The following TCERG1 variants were observed in gnomAD, a reference collection of about 807,000 sequenced individuals.
TCERG1 encodes the protein TATA box binding protein (TBP)-associated factor, RNA polymerase II, S, 150kD.
TCERG1 carries 37 observed loss-of-function variants against 144.7 expected under a neutral mutation model. The observed-to-expected ratio is 0.26, with a 90% CI of 0.20 to 0.34. The LOEUF (loss-of-function observed/expected upper bound fraction) is 0.34. Ranked by LOEUF, TCERG1 falls within the 10% of genes least tolerant of loss-of-function variation. The pLI is 1.00. For synonymous variants in TCERG1, 492 were observed against 458.2 expected, an observed-to-expected ratio of 1.07 and a Z score of -0.94; for missense variants, 1,027 against 1,380.7, an observed-to-expected ratio of 0.74 and a Z score of 4.06.
At chr5:146,458,024 A>G (rs2150247280) in intron 3 of TCERG1, among the ~76,000 whole-genome samples, 1 of 151,412 alleles carries the variant, frequency 6.6e-6, no homozygotes, top group East Asian at 2.0e-4. Flanking sequence ...TAATTTTTGT[A>G]TTTTTAATAG....
At chr5:146,460,027 G>T (rs1447612923) in intron 4 of TCERG1, among the ~76,000 whole-genome samples, 1 of 152,044 alleles carries the variant, frequency 6.6e-6, no homozygotes, top group African/African-American at 2.4e-5. Context: ...TTTGGTGTTG[G>T]TTTTTTGGGT....
At chr5:146,498,774 T>G in intron 17 of TCERG1, 88 bp downstream of exon 17, 17 of 1,389,182 alleles carry the variant, frequency 1.2e-5, no homozygotes, top group Non-Finnish European at 1.6e-5. Context: ...ACCTTATTCA[T>G]TGGCATAAAT....
intron 16 of TCERG1, among the ~76,000 whole-genome samples, chr5:146,495,892 C>T (rs543758902): frequency 2.6e-5 from 4 of 152,072 alleles, no homozygotes; most frequent in South Asian, 2.1e-4. Context: ...CAGTGGCTCG[C>T]GCCTGTAATC....
intron 17 of TCERG1, among the ~76,000 whole-genome samples, chr5:146,501,020 GA>G (rs1767386067): frequency 1.4e-5 from 2 of 139,972 alleles, no homozygotes; most frequent in African/African-American, 5.3e-5. Context: ...AAAAAAAAAA[GA>G]AAAAAAAGTC....
At chr5:146,497,105 C>T (rs1462021455) in intron 16 of TCERG1, among the ~76,000 whole-genome samples, 1 of 152,028 alleles carries the variant, frequency 6.6e-6, no homozygotes, top group Non-Finnish European at 1.5e-5. Context: ...CTCCTGACCT[C>T]AACTGATCCA....
intron 2 of TCERG1, 86 bp downstream of exon 2, chr5:146,455,367 A>G: frequency 6.9e-7 from 1 of 1,447,114 alleles, no homozygotes; most frequent in Non-Finnish European, 9.4e-7. Context: ...TACATTCTTA[A>G]ATAGTTTCAG....
At chr5:146,448,397 G>A (rs1227530897) in intron 1 of TCERG1, among the ~76,000 whole-genome samples, 1 of 152,168 alleles carries the variant, frequency 6.6e-6, no homozygotes, top group Non-Finnish European at 1.5e-5. Context: ...GAGTGACCTG[G>A]AGAAATCTTT....
chr5:146,463,215 T>C (rs1763489943), intron 4 of TCERG1, among the ~76,000 whole-genome samples: 1 of 152,222 alleles, frequency 6.6e-6, no homozygotes, highest in African/African-American at 2.4e-5. Flanking sequence ...GTTTATTTTT[T>C]TCTTCTACCC....
intron 4 of TCERG1, 49 bp from the exon 5 acceptor site, chr5:146,463,502 A>G (rs1295715212): frequency 6.2e-7 from 1 of 1,608,696 alleles, no homozygotes; most frequent in East Asian, 2.2e-5. Flanking sequence ...GAATATAGTA[A>G]AATGATTTAT....
chr5:146,450,085 A>C (rs1168122779), intron 1 of TCERG1, among the ~76,000 whole-genome samples: 1 of 152,248 alleles, frequency 6.6e-6, no homozygotes, highest in Admixed American at 6.5e-5. Context: ...CATTATTAAA[A>C]CAATAATGTG....
chr5:146,459,267 A>G lies in TCERG1; in HGVS notation c.822A>G (p.Thr274=). 1.9e-6 allele frequency: 3 copies of G among 1,614,240 alleles called. No homozygotes were observed. The South Asian group carries it at 3.3e-5, about 18-fold the overall frequency. Residue 274 remains threonine, a synonymous_variant, in exon 4 of 23, where the codon ACA becomes ACG. Coordinates refer to ENST00000679501, the MANE Select transcript of TCERG1 (RefSeq NM_001382548.1). ...CAGCACCTGCAGTATCCACTTCAAC[A>G]TCATCATCCACCCCTTCCTCTACCA... ...SSPAPAVSTS[T]SSSTPSSTTS... is the part of the protein sequence containing the mutation.
chr5:146,494,445 C>G (rs747297587), intron 16 of TCERG1, among the ~76,000 whole-genome samples: 69 of 152,252 alleles, frequency 4.5e-4, no homozygotes, highest in Admixed American at 1.5e-3. Flanking sequence ...ATGACTAAGT[C>G]TTACCATATC....
At chr5:146,480,324 T>C (rs1054977393) in intron 12 of TCERG1, 2 of 293,508 alleles carry the variant, frequency 6.8e-6, no homozygotes, top group Non-Finnish European at 1.3e-5. Context: ...CTCCAAATGA[T>C]AGTTTTGGAA....
At chr5:146,460,346 CT>C (rs1011514887) in intron 4 of TCERG1, among the ~76,000 whole-genome samples, 129 of 142,404 alleles carry the variant, frequency 9.1e-4, no homozygotes, top group Admixed American at 3.9e-3. Context: ...TTTCTTTTTT[CT>C]TTTTTTTTTT....
intron 2 of TCERG1, 110 bp from the exon 3 acceptor site, chr5:146,457,073 T>C: frequency 7.1e-7 from 1 of 1,404,778 alleles, no homozygotes; most frequent in South Asian, 1.4e-5. Context: ...TGTGTTTGAA[T>C]AGACTATAAA....
chr5:146,465,769 C>T (rs563473779), intron 5 of TCERG1, among the ~76,000 whole-genome samples: 7 of 152,236 alleles, frequency 4.6e-5, no homozygotes, highest in Admixed American at 3.3e-4. Context: ...CGGTGGCTTA[C>T]GCCTGTAATC....
At chr5:146,457,362 T>C in intron 3 of TCERG1, 27 bp downstream of exon 3, 1 of 1,577,240 alleles carries the variant, frequency 6.3e-7, no homozygotes, top group Non-Finnish European at 8.6e-7. Context: ...ATTTAAGTTG[T>C]CATTTGTTGA....
At chr5:146,476,832 G>T (rs1156362808) in intron 9 of TCERG1, among the ~76,000 whole-genome samples, 1 of 152,138 alleles carries the variant, frequency 6.6e-6, no homozygotes, top group African/African-American at 2.4e-5. Flanking sequence ...CACCCAGGCT[G>T]GAGTACAGTG....
chr5:146,507,795 A>G lies in TCERG1; in HGVS notation c.2962-78A>G. ...AGATCGCAGGTCAGTGTGTAATATT[A>G]TGTACCTATGTGCTGCAGTTTGACT... is the stretch of plus-strand genomic sequence containing the variant. On this transcript the variant is annotated intron_variant, in intron 20 of 22. Transcript: ENST00000679501. The surrounding 1 kb of genome is among the most constrained non-coding windows in gnomAD (Gnocchi z 4.6). 2 of 910,862 alleles carry G rather than the reference A, an allele frequency of 2.2e-6. No individual in the cohort carries two copies. Among genetic ancestry groups the G allele is most frequent in the Non-Finnish European group, 3.4e-6 (2 of 586,606 alleles). The allele number at this position is 910,862 out of a possible 1,614,324, so 56.4% of individuals were successfully genotyped here. A position where few individuals can be genotyped will look rare whatever the true frequency, so the allele number is the denominator to read the frequency against.
Sources: gnomAD v4.1 joint callset for allele counts (sites outside exome capture counted in the v4.1 genomes callset) on GRCh38, gnomAD v4.1.1 for gene constraint, Gnocchi (gnomAD v3.1) non-coding constraint, MANE v1.5 for transcripts, NCBI Gene and HGNC (gene_info 2026-07-23, HGNC 2026-07-21) for gene names.